Variants in TMCC3 observed in about 807,000 individuals in gnomAD.
The protein encoded by TMCC3 is transmembrane and coiled-coil domain protein 3.
In TMCC3, 28 loss-of-function variants were observed where a neutral mutation model predicts 40.2. That is an observed-to-expected ratio of 0.70 (90% confidence interval 0.52 to 0.95). The LOEUF (loss-of-function observed/expected upper bound fraction) is 0.95, where lower values mean the gene tolerates loss of function less well. Ranked by LOEUF, TMCC3 falls within the 40% of genes least tolerant of loss-of-function variation. TMCC3 has a pLI of 0.00. For synonymous variants in TMCC3, 255 were observed against 248.5 expected (o/e 1.03, Z -0.25); for missense variants, 554 against 615.2 (o/e 0.90, Z 1.05).
At chr12:94,638,148 CA>C (rs1213746081) in intron 1 of TMCC3, among the ~76,000 whole-genome samples, 1 of 152,164 alleles carries the variant, frequency 6.6e-6, no homozygotes, top group Non-Finnish European at 1.5e-5. Context: ...AGACACTACG[CA>C]AAATATACAC....
chr12:94,572,108 T>G (rs752147399), intron 3 of TMCC3, among the ~76,000 whole-genome samples: 8 of 152,026 alleles, frequency 5.3e-5, no homozygotes, highest in Non-Finnish European at 1.2e-4. Flanking sequence ...CAAGCAACTC[T>G]CCTGCCTCAG....
intron 1 of TMCC3, among the ~76,000 whole-genome samples, chr12:94,624,428 C>T (rs939038946): frequency 6.6e-6 from 1 of 152,126 alleles, no homozygotes; most frequent in Non-Finnish European, 1.5e-5. Context: ...ATTATTCAGC[C>T]ATGGCCAGGC....
chr12:94,620,904 G>A (rs2068872668), intron 1 of TMCC3, among the ~76,000 whole-genome samples: 1 of 152,118 alleles, frequency 6.6e-6, no homozygotes, highest in South Asian at 2.1e-4. Flanking sequence ...CTAAACATGC[G>A]TGTTTATACT....
intron 1 of TMCC3, among the ~76,000 whole-genome samples, chr12:94,605,896 T>G (rs1222795891): frequency 6.6e-6 from 1 of 152,044 alleles, no homozygotes; most frequent in Non-Finnish European, 1.5e-5. Context: ...CATCCCAGAT[T>G]CTCCTGAATG....
intron 1 of TMCC3, among the ~76,000 whole-genome samples, chr12:94,632,676 G>A (rs1361254300): frequency 2.0e-5 from 3 of 152,206 alleles, no homozygotes; most frequent in African/African-American, 4.8e-5. Flanking sequence ...TCTCCCACGA[G>A]TACAGAGACT....
At position 94,578,427 on chromosome 12, in the gene TMCC3, G is replaced by T. The variant is rs1009061574; in HGVS notation, c.1098C>A (p.Ala366=). 7 of 1,613,972 alleles carry T rather than the reference G, an allele frequency of 4.3e-6. No individual in the cohort carries two copies. The Admixed American group carries it at 5.0e-5, about 12-fold the overall frequency. ...QELASIEEKV[A]YQAYERSRDI... ...CCCGCGAGCGCTCGTAGGCCTGGTA[G>T]GCCACCTTCTCCTCAATGCTGGCCA... Residue 366 remains alanine (A), a synonymous_variant, in exon 3 of 4, where the codon GCC becomes GCA. Transcript: ENST00000261226.
At chr12:94,625,971 A>G (rs889319338) in intron 1 of TMCC3, among the ~76,000 whole-genome samples, 2 of 152,210 alleles carry the variant, frequency 1.3e-5, no homozygotes, top group African/African-American at 4.8e-5. Context: ...TAAAGATACT[A>G]CCCGAGATTG....
At chr12:94,645,587 G>A (rs1326089427) in intron 1 of TMCC3, among the ~76,000 whole-genome samples, 1 of 152,090 alleles carries the variant, frequency 6.6e-6, no homozygotes, top group Admixed American at 6.5e-5. Flanking sequence ...ACAGGCACCT[G>A]CCACCATGCC....
At chr12:94,633,745 C>A (rs1026465714) in intron 1 of TMCC3, among the ~76,000 whole-genome samples, 2 of 152,088 alleles carry the variant, frequency 1.3e-5, no homozygotes, top group African/African-American at 4.8e-5. Flanking sequence ...AATATCTAGG[C>A]TCATTTTAGG....
rs536962227 is a variant in TMCC3, at chr12:94,643,479, T to G, written c.78+6874A>C. On this transcript the variant is annotated intron_variant, in intron 1 of 3. Transcript: ENST00000261226. ...CCACCTTCACCTTGCTATTCAACAG[T>G]CCATCCTCAGGAGACCAAACATCAG... Among the ~76,000 whole-genome samples, 15 of 152,276 alleles carry G rather than the reference T, an allele frequency of 9.9e-5. No individual in the cohort carries two copies. The South Asian group carries it at 3.1e-3, about 32-fold the overall frequency.
chr12:94,582,060 G>C lies in TMCC3; in HGVS notation c.557C>G (p.Ser186Trp). 6.2e-7 allele frequency: 1 copy of C among 1,614,180 alleles called. No homozygotes were observed. Among genetic ancestry groups the C allele is most frequent in the African/African-American group, 1.3e-5 (1 of 75,048 alleles). The change falls in exon 2 of 4, where the codon TCG becomes TGG. Residue 186 changes from serine (S) to tryptophan (W), a missense_variant. Coordinates refer to ENST00000261226, the MANE Select transcript of TMCC3 (RefSeq NM_020698.4). ...TAPHCMESSKSGMPGVSLTPP... is the reference protein window; with the variant it reads ...TAPHCMESSKWGMPGVSLTPP... ...AGTAAGTGAGACCCCTGGCATGCCC[G>C]ATTTGCTGCTCTCCATGCAATGGGG...
chr12:94,581,777 T>C lies in TMCC3; in HGVS notation c.840A>G (p.Thr280=), dbSNP rs1163763833. The change falls in exon 2 of 4, where the codon ACA becomes ACG. Residue 280 remains threonine, a synonymous_variant. Coordinates refer to ENST00000261226, the MANE Select transcript of TMCC3 (RefSeq NM_020698.4). Reference sequence around the variant, plus strand: ...CGGCGAGCTTGCCCTGGCTGTCCAGTGTGCTGGCTCCACCAGCCCCAAACG... The same window carrying C: ...CGGCGAGCTTGCCCTGGCTGTCCAGCGTGCTGGCTCCACCAGCCCCAAACG... ...NQSFGAGGAS[T]LDSQGKLAVI... is the part of the protein sequence containing the mutation. The C allele has an allele frequency of 6.2e-7, 1 of 1,614,052 alleles. No individual in the cohort carries two copies. Among genetic ancestry groups the C allele is most frequent in the Non-Finnish European group, 8.5e-7 (1 of 1,180,014 alleles).
intron 1 of TMCC3, among the ~76,000 whole-genome samples, chr12:94,613,103 TACACACACACACAC>T (rs61688830): frequency 1.3e-5 from 2 of 148,946 alleles, no homozygotes; most frequent in African/African-American, 2.5e-5. Flanking sequence ...ATAAAATGGA[TACACACACACACAC>T]ACACACACAT....
chr12:94,623,031 C>A (rs2068883990), intron 1 of TMCC3, among the ~76,000 whole-genome samples: 1 of 152,102 alleles, frequency 6.6e-6, no homozygotes, highest in Non-Finnish European at 1.5e-5. Flanking sequence ...TCTTACTTTT[C>A]TTCTTCTTCT....
At chr12:94,587,956 G>A (rs1310181176) in intron 1 of TMCC3, among the ~76,000 whole-genome samples, 7 of 152,142 alleles carry the variant, frequency 4.6e-5, no homozygotes, top group African/African-American at 1.4e-4. Context: ...CTACTGAAAC[G>A]CCATTCCTCA....
intron 1 of TMCC3, among the ~76,000 whole-genome samples, chr12:94,583,301 T>C (rs773467345): frequency 3.3e-5 from 5 of 151,842 alleles, no homozygotes; most frequent in Non-Finnish European, 7.4e-5. Flanking sequence ...AGTCGGGAGT[T>C]TGAGACCAGC....
In TMCC3 at chr12:94,567,212, T is replaced by C. The variant is rs570044549; in HGVS notation, c.*4223A>G. On this transcript the variant is annotated 3_prime_UTR_variant, in exon 4 of 4. Transcript: ENST00000261226. ...AATAATGGCACCTGCTTTGGATTCA[T>C]TGATGACACCACAATGGGGTGAAGA... The C allele has an allele frequency of 2.6e-5, 4 of 152,354 alleles. No individual in the cohort carries two copies. The highest frequency in any genetic ancestry group is 6.5e-5 in the Admixed American group (1 of 15,306). The allele number at this position is 152,354 out of a possible 1,614,324, so 9.4% of individuals were successfully genotyped here. A position where few individuals can be genotyped will look rare whatever the true frequency, so the allele number is the denominator to read the frequency against.
chr12:94,629,406 T>C lies in TMCC3; in HGVS notation c.78+20947A>G, dbSNP rs1300938151. Among the ~76,000 whole-genome samples the C allele has an allele frequency of 2.0e-5, 3 of 152,204 alleles. No individual in the cohort carries two copies. In the East Asian group the frequency reaches 5.8e-4, roughly 29 times the overall value. The stretch of plus-strand genomic sequence containing the variant: ...CCAGGACCCCATGGAGAACTGTCCC[T>C]GCCACTCTGCATCATTATTATCTGT... On this transcript the variant is annotated intron_variant, in intron 1 of 3. Coordinates refer to ENST00000261226, the MANE Select transcript of TMCC3 (RefSeq NM_020698.4).
chr12:94,594,005 C>G (rs1301292419), intron 1 of TMCC3, among the ~76,000 whole-genome samples: 1 of 151,936 alleles, frequency 6.6e-6, no homozygotes, highest in Non-Finnish European at 1.5e-5. Flanking sequence ...CAGCCACAGT[C>G]CCTGGGGAGG....
Sources: gnomAD v4.1 joint callset for allele counts (sites outside exome capture counted in the v4.1 genomes callset) on GRCh38, gnomAD v4.1.1 for gene constraint, MANE v1.5 for transcripts, NCBI Gene and HGNC (gene_info 2026-07-23, HGNC 2026-07-21) for gene names.